Variants in MDC1 observed in about 807,000 individuals in gnomAD.
The protein encoded by MDC1 is mediator of DNA damage checkpoint protein 1.
MDC1 carries 81 observed loss-of-function variants against 142.5 expected under a neutral mutation model. That is an observed-to-expected ratio of 0.57 (90% CI 0.47 to 0.68). The LOEUF (loss-of-function observed/expected upper bound fraction) is 0.68, where lower values mean the gene tolerates loss of function less well. Ranked by LOEUF, MDC1 falls within the 30% of genes least tolerant of loss-of-function variation. The pLI is 0.00. For missense variants in MDC1, 2,119 were observed against 2,547.9 expected, an observed-to-expected ratio of 0.83 and a Z score of 3.62; for synonymous variants, 797 against 968.4, an observed-to-expected ratio of 0.82 and a Z score of 3.29.
Position 30,711,963 on chromosome 6 carries a change from T to G in MDC1, c.1979A>C (p.Gln660Pro). 2 of 1,578,048 alleles carry G rather than the reference T, an allele frequency of 1.3e-6. No homozygotes were observed. The highest frequency in any genetic ancestry group is 1.7e-6 in the Non-Finnish European group (2 of 1,163,412). ...GACCTGGGCTCCCTCTCTCTGTGGC[T>G]GGGTGGATTCCCCTAGAGTGTCTGT... ...VDTDTLGEST[Q>P]PQREGAQVPT... is the part of the protein sequence containing the mutation. The change falls in exon 5 of 15, where the codon CAG becomes CCG. Residue 660 changes from glutamine (Q) to proline (P), a missense_variant. Physicochemically the swap from Gln to Pro is moderately conservative, Grantham distance 76. Transcript: ENST00000376406.
rs926488371 is a variant in MDC1, at chr6:30,716,564, G to A, written c.-4+681C>T. Among the ~76,000 whole-genome samples the A allele has an allele frequency of 5.9e-5, 9 of 152,100 alleles. No individual in the cohort carries two copies. The highest frequency in any genetic ancestry group is 1.7e-4 in the African/African-American group (7 of 41,424). ...TTCCTGGCGTGTTCCCTGCCTTCTC[G>A]TGTTCCTGGTGTATCCTGCCTGTTC... On this transcript the variant is annotated intron_variant, in intron 1 of 14. Coordinates refer to ENST00000376406, the MANE Select transcript of MDC1 (RefSeq NM_014641.3). This position sits in a 1 kb window ranked among gnomAD's most constrained non-coding sequence, Gnocchi z 4.4.
chr6:30,713,817 G>C lies in MDC1; in HGVS notation c.503C>G (p.Ser168Trp), dbSNP rs762846533. 2.4e-5 allele frequency: 39 copies of C among 1,613,688 alleles called. No individual in the cohort carries two copies. Among genetic ancestry groups the C allele is most frequent in the Non-Finnish European group, 3.3e-5 (39 of 1,179,884 alleles). ...QPQRLLLAED[S>W]EEEVDFLSER... ...TACAAACTTACCTACTTCCTCCTCC[G>C]AGTCCTCAGCCAACAGAAGCCTCTG... Residue 168 changes from serine (S) to tryptophan (W), a missense_variant, in exon 3 of 15, where the codon TCG (serine) becomes TGG (tryptophan). Transcript: ENST00000376406. The surrounding 1 kb of genome is among the most constrained non-coding windows in gnomAD (Gnocchi z 4.9).
In MDC1 at chr6:30,703,707, G is replaced by GTTT. The variant is rs1289619333; in HGVS notation, c.5473_5475dup (p.Lys1825dup). On this transcript the variant is annotated inframe_insertion, in exon 10 of 15. Transcript: ENST00000376406. The surrounding 1 kb of genome is among the most constrained non-coding windows in gnomAD (Gnocchi z 4.4). ...TGGGAGACTTCCCCTCTTTGGGGCT[G>GTTT]TTTTTGATGTGGTGGTGAATCCATG... 6.5e-7 allele frequency: 1 copy of GTTT among 1,541,140 alleles called. No individual in the cohort carries two copies. Among genetic ancestry groups the GTTT allele is most frequent in the Non-Finnish European group, 8.7e-7 (1 of 1,148,746 alleles).
chr6:30,700,356 T>C lies in MDC1; in HGVS notation c.*109A>G. The C allele has an allele frequency of 1.8e-6, 2 of 1,141,636 alleles. No individual in the cohort carries two copies. Among genetic ancestry groups the C allele is most frequent in the South Asian group, 4.8e-5 (2 of 41,756 alleles). The allele number at this position is 1,141,636 out of a possible 1,614,324, so 70.7% of individuals were successfully genotyped here. ...ATAAAGATTTCTGGTCCCACCCATGTTCCAGGACAAGTTGTATCAATATAC... is the reference window on the plus strand; with the variant it reads ...ATAAAGATTTCTGGTCCCACCCATGCTCCAGGACAAGTTGTATCAATATAC... On this transcript the variant is annotated 3_prime_UTR_variant, in exon 15 of 15. Transcript: ENST00000376406.
chr6:30,714,287 G>A lies in MDC1; in HGVS notation c.137-104C>T, dbSNP rs1775347514. ...TACTACTCACTCAAGGCCTCCATAT[G>A]CATTAGAAAAATAAAAGGCCCTAGG... is the stretch of plus-strand genomic sequence containing the variant. On this transcript the variant is annotated intron_variant, in intron 2 of 14. Coordinates refer to ENST00000376406, the MANE Select transcript of MDC1 (RefSeq NM_014641.3). 5 of 1,252,064 alleles carry A rather than the reference G, an allele frequency of 4.0e-6. No individual in the cohort carries two copies. In the African/African-American group the frequency reaches 4.6e-5, roughly 11 times the overall value. The allele number at this position is 1,252,064 out of a possible 1,614,324, so 77.6% of individuals were successfully genotyped here.
At position 30,716,903 on chromosome 6, in the gene MDC1, G is replaced by A; in HGVS notation, c.-4+342C>T. On this transcript the variant is annotated intron_variant, in intron 1 of 14. Transcript: ENST00000376406. The surrounding 1 kb of genome is among the most constrained non-coding windows in gnomAD (Gnocchi z 4.4). Reference sequence around the variant, plus strand: ...TCACCTGAAAATATGCCACTCTAGAGGGAAACTGTTGACAGGTAGGGAAAG... The same window carrying A: ...TCACCTGAAAATATGCCACTCTAGAAGGAAACTGTTGACAGGTAGGGAAAG... 2.0e-6 allele frequency: 2 copies of A among 984,868 alleles called. No homozygotes were observed. The highest frequency in any genetic ancestry group is 2.4e-6 in the Non-Finnish European group (2 of 829,432). 61.0% of individuals were successfully genotyped at this position (984,868 alleles called of 1,614,324 possible).
intron 1 of MDC1, 111 bp downstream of exon 1, chr6:30,717,134 G>C (rs538001943): frequency 6.5e-6 from 1 of 152,940 alleles, no homozygotes; most frequent in Admixed American, 6.5e-5. Context: ...AGTCCGAGAA[G>C]CGAACTTCCA....
Position 30,711,471 on chromosome 6 carries a change from G to A in MDC1, c.2162C>T (p.Ala721Val). 4 of 1,613,130 alleles carry A rather than the reference G, an allele frequency of 2.5e-6. No homozygotes were observed. The highest frequency in any genetic ancestry group is 2.2e-5 in the South Asian group (2 of 91,088). ...CTCTTGGGGTGGAGTCAACATGAAG[G>A]CCTGGGTAGGTTCATCCTCCATGCT... ...VQSMEDEPTQ[A>V]FMLTPPQELG... is the part of the protein sequence containing the mutation. Residue 721 changes from alanine (A) to valine (V), a missense_variant, in exon 7 of 15, where the codon GCC (alanine) becomes GTC (valine). Transcript: ENST00000376406.
In MDC1 at chr6:30,703,600, T is replaced by C; in HGVS notation, c.5562+21A>G. The C allele has an allele frequency of 6.2e-7, 1 of 1,612,146 alleles. No homozygotes were observed. Among genetic ancestry groups the C allele is most frequent in the Non-Finnish European group, 8.5e-7 (1 of 1,179,092 alleles). ...CCTGAAGTCATTTTTCCCAGCTTTG[T>C]GGTCCCAACCCTCTCCTCACCTCTT... On this transcript the variant is annotated intron_variant, in intron 10 of 14. Transcript: ENST00000376406. The surrounding 1 kb of genome is among the most constrained non-coding windows in gnomAD (Gnocchi z 4.4).
rs1774485908 is a variant in MDC1 at position 30,709,468 on chromosome 6, AG to A, written c.2222-1112del. ...CATACAATGTACAATGATAAAACCAAGATAATTGGGATATCCACTATCTCAA... is the reference window on the plus strand; with the variant it reads ...CATACAATGTACAATGATAAAACCAAATAATTGGGATATCCACTATCTCAA... On this transcript the variant is annotated intron_variant, in intron 7 of 14. Transcript: ENST00000376406. The surrounding 1 kb of genome is among the most constrained non-coding windows in gnomAD (Gnocchi z 4.2). 6.6e-6 allele frequency among the ~76,000 whole-genome samples: 1 copy of A among 152,236 alleles called. No individual in the cohort carries two copies. The highest frequency in any genetic ancestry group is 6.5e-5 in the Admixed American group (1 of 15,286).
At chr6:30,706,494 C>T (rs1243060519) in intron 9 of MDC1, among the ~76,000 whole-genome samples, 3 of 151,970 alleles carry the variant, frequency 2.0e-5, no homozygotes, top group East Asian at 1.9e-4. Context: ...TGGTGGCGGG[C>T]GCCTGTAGTC....
Position 30,704,170 on chromosome 6 carries a change from G to A in MDC1, c.5013C>T (p.Thr1671=). 2 of 1,613,726 alleles carry A rather than the reference G, an allele frequency of 1.2e-6. No homozygotes were observed. Among genetic ancestry groups the A allele is most frequent in the East Asian group, 4.5e-5 (2 of 44,890 alleles). ...EPFTPTDQSV[T]PEAIAQGGQS... is the part of the protein sequence containing the mutation. The stretch of plus-strand genomic sequence containing the variant: ...GACCACCCTGAGCTATGGCCTCAGG[G>A]GTGACGGACTGGTCTGTGGGGGTAA... Residue 1671 remains threonine, a synonymous_variant, in exon 10 of 15, where the codon ACC becomes ACT. Coordinates refer to ENST00000376406, the MANE Select transcript of MDC1 (RefSeq NM_014641.3).
intron 2 of MDC1, among the ~76,000 whole-genome samples, chr6:30,714,795 T>A (rs991249776): frequency 5.9e-4 from 90 of 152,114 alleles, no homozygotes; most frequent in African/African-American, 2.1e-3. Context: ...GAATTACAGG[T>A]GTGAGTCACT....
Position 30,713,674 on chromosome 6 carries a change from T to C in MDC1, c.561A>G (p.Thr187=). 1.2e-6 allele frequency: 2 copies of C among 1,614,180 alleles called. No homozygotes were observed. The highest frequency in any genetic ancestry group is 2.2e-5 in the East Asian group (1 of 44,882). Reference sequence around the variant, plus strand: ...TCTCTGGAACTATCACAGAGGAAGATGTGGTCCTTGATTTTTTTACCATAC... The same window carrying C: ...TCTCTGGAACTATCACAGAGGAAGACGTGGTCCTTGATTTTTTTACCATAC... ...ERRMVKKSRT[T]SSSVIVPESD... Residue 187 remains threonine, a synonymous_variant, in exon 4 of 15, where the codon ACA becomes ACG. Transcript: ENST00000376406. The surrounding 1 kb of genome is among the most constrained non-coding windows in gnomAD (Gnocchi z 4.9).
chr6:30,715,171 T>A lies in MDC1; in HGVS notation c.5A>T (p.Glu2Val). Residue 2 changes from glutamate to valine, a missense_variant, in exon 2 of 15, where the codon GAG becomes GTG. Coordinates refer to ENST00000376406, the MANE Select transcript of MDC1 (RefSeq NM_014641.3). The surrounding 1 kb of genome is among the most constrained non-coding windows in gnomAD (Gnocchi z 4.1). ...ATCCCAGTCAATAGCCTGGGTGTCC[T>A]CCATGATCTGGGAAGGATACACATT... Reference protein sequence around the residue: MEDTQAIDWDVE... With the variant: MVDTQAIDWDVE... 6.2e-7 allele frequency: 1 copy of A among 1,614,152 alleles called. No homozygotes were observed.
rs139244904 is a variant in MDC1 at position 30,708,426 on chromosome 6, G to A, written c.2222-69C>T. 8.0e-4 allele frequency: 956 copies of A among 1,197,512 alleles called. 9 individuals are homozygous for A. The African/African-American group carries it at 0.014, about 17-fold the overall frequency. The allele number at this position is 1,197,512 out of a possible 1,614,324, so 74.2% of individuals were successfully genotyped here. A position where few individuals can be genotyped will look rare whatever the true frequency, so the allele number is the denominator to read the frequency against. ...AAAGAGGGAGAGGAAGAGGGAAAGG[G>A]AAGTACAGGTTGACATAATAAATAT... On this transcript the variant is annotated intron_variant, in intron 7 of 14. Coordinates refer to ENST00000376406, the MANE Select transcript of MDC1 (RefSeq NM_014641.3).
At chr6:30,702,490 A>G (rs1772919385) in intron 14 of MDC1, 63 bp downstream of exon 14, 1 of 1,331,520 alleles carries the variant, frequency 7.5e-7, no homozygotes, top group South Asian at 1.5e-5. Context: ...AATCTTTGCC[A>G]TTCCAGCCAC....
chr6:30,700,335 A>G lies in MDC1; in HGVS notation c.*130T>C. The G allele has an allele frequency of 1.1e-6, 1 of 938,446 alleles. No individual in the cohort carries two copies. Among genetic ancestry groups the G allele is most frequent in the Non-Finnish European group, 1.5e-6 (1 of 665,694 alleles). 58.1% of individuals were successfully genotyped at this position (938,446 alleles called of 1,614,324 possible). A position where few individuals can be genotyped will look rare whatever the true frequency, so the allele number is the denominator to read the frequency against. Reference sequence around the variant, plus strand: ...CCCTTATCTTTTCATTTATTCATAAAGATTTCTGGTCCCACCCATGTTCCA... The same window carrying G: ...CCCTTATCTTTTCATTTATTCATAAGGATTTCTGGTCCCACCCATGTTCCA... On this transcript the variant is annotated 3_prime_UTR_variant, in exon 15 of 15. Transcript: ENST00000376406.
intron 6 of MDC1, 62 bp downstream of exon 6, chr6:30,711,605 A>G (rs1437087657): frequency 3.1e-6 from 5 of 1,602,410 alleles, no homozygotes; most frequent in Non-Finnish European, 4.3e-6. Context: ...CCCTTCAAGG[A>G]CCACCAGTCT....
Sources: allele counts gnomAD v4.1 joint callset (sites outside exome capture counted in the v4.1 genomes callset), GRCh38; gene constraint gnomAD v4.1.1; non-coding constraint Gnocchi (gnomAD v3.1); transcripts MANE v1.5; gene names NCBI Gene and HGNC (gene_info 2026-07-23, HGNC 2026-07-21).